Variants in KIAA1217 observed in about 807,000 individuals in gnomAD.
The protein encoded by KIAA1217 is KIAA1217.
In KIAA1217, 88 loss-of-function variants were observed where a neutral mutation model predicts 163.9. That is an observed-to-expected ratio of 0.54 (90% confidence interval 0.45 to 0.64). The LOEUF (loss-of-function observed/expected upper bound fraction) is 0.64. KIAA1217 is among the 30% of genes least tolerant of loss of function. The pLI, the probability that KIAA1217 is intolerant of heterozygous loss-of-function variation, is 0.00. For synonymous variants in KIAA1217, 903 were observed against 923.1 expected (o/e 0.98, Z 0.39); for missense variants, 2,372 against 2,475.0 (o/e 0.96, Z 0.88).
intron 1 of KIAA1217, among the ~76,000 whole-genome samples, chr10:23,992,778 G>A (rs1846275943): frequency 1.3e-5 from 2 of 151,574 alleles, no homozygotes; most frequent in African/African-American, 4.9e-5. Flanking sequence ...GAGTTTCTGT[G>A]TTGTGACAGA....
chr10:23,956,593 G>A (rs950747392), intron 1 of KIAA1217, among the ~76,000 whole-genome samples: 1 of 152,136 alleles, frequency 6.6e-6, no homozygotes, highest in African/African-American at 2.4e-5. Flanking sequence ...TTGCATTGCT[G>A]TAAAGGGATA....
intron 2 of KIAA1217, among the ~76,000 whole-genome samples, chr10:24,281,442 A>G (rs2077914439): frequency 6.6e-6 from 1 of 152,310 alleles, no homozygotes; most frequent in South Asian, 2.1e-4. Flanking sequence ...TTTGTTTCCA[A>G]CATTAATTAG....
At chr10:24,300,704 A>T (rs1029327996) in intron 2 of KIAA1217, among the ~76,000 whole-genome samples, 2 of 152,094 alleles carry the variant, frequency 1.3e-5, no homozygotes, top group Admixed American at 6.6e-5. Context: ...AGTAGCTGGG[A>T]CTAGAGGCAT....
intron 2 of KIAA1217, among the ~76,000 whole-genome samples, chr10:24,365,124 T>G (rs2050596150): frequency 6.6e-6 from 1 of 152,148 alleles, no homozygotes; most frequent in African/African-American, 2.4e-5. Flanking sequence ...TTCTTGACTT[T>G]CAGATGATAT....
At chr10:23,992,383 G>A (rs2131441364) in intron 1 of KIAA1217, among the ~76,000 whole-genome samples, 1 of 152,028 alleles carries the variant, frequency 6.6e-6, no homozygotes, top group South Asian at 2.1e-4. Flanking sequence ...TCCAGAAGGA[G>A]ATGCAATCCT....
intron 1 of KIAA1217, among the ~76,000 whole-genome samples, chr10:23,897,205 C>G (rs1365728714): frequency 1.3e-5 from 2 of 151,962 alleles, no homozygotes; most frequent in African/African-American, 2.4e-5. Context: ...TTGGAAATGC[C>G]CTTGTCAGCT....
intron 5 of KIAA1217, among the ~76,000 whole-genome samples, chr10:24,471,339 C>T (rs1257094588): frequency 6.6e-6 from 1 of 152,128 alleles, no homozygotes; most frequent in East Asian, 1.9e-4. Flanking sequence ...CTCCTGTGAC[C>T]TCACCAATAG....
At position 24,368,593 on chromosome 10, in the gene KIAA1217, C is replaced by T. The variant is rs184296086; in HGVS notation, c.355-12276C>T. Among the ~76,000 whole-genome samples, 290 of 152,124 alleles carry T rather than the reference C, an allele frequency of 1.9e-3. 1 individual carries two copies. Among genetic ancestry groups the T allele is most frequent in the Non-Finnish European group, 2.6e-3 (174 of 68,004 alleles). On this transcript the variant is annotated intron_variant, in intron 2 of 20. Transcript: ENST00000376454. ...TAGGATGAAGGTTAAGGTTGGAAAT[C>T]GAAGGTGATCTTCCCCCTTTAGTGA... is the stretch of plus-strand genomic sequence containing the variant.
chr10:23,976,113 A>T (rs557321347), intron 1 of KIAA1217, among the ~76,000 whole-genome samples: 9 of 152,294 alleles, frequency 5.9e-5, no homozygotes, highest in African/African-American at 2.2e-4. Context: ...TCACTTTTTG[A>T]TGAAGAATTG....
chr10:23,841,828 TTTATTTTA>T (rs1838801616), intron 1 of KIAA1217, among the ~76,000 whole-genome samples: 1 of 40,012 alleles, frequency 2.5e-5, no homozygotes, highest in Non-Finnish European at 4.6e-5. Context: ...CCATTGGGAC[TTTATTTTA>T]TTTTATTTTA....
intron 1 of KIAA1217, among the ~76,000 whole-genome samples, chr10:23,736,607 C>T (rs1838818634): frequency 6.6e-6 from 1 of 152,138 alleles, no homozygotes; most frequent in Non-Finnish European, 1.5e-5. Flanking sequence ...ACTGCAGCCT[C>T]AAACTCCTGG....
At chr10:24,138,903 T>G (rs558413170) in intron 2 of KIAA1217, among the ~76,000 whole-genome samples, 1 of 152,334 alleles carries the variant, frequency 6.6e-6, no homozygotes, top group South Asian at 2.1e-4. Context: ...CATTATGGTG[T>G]AGCTTCAATG....
intron 2 of KIAA1217, among the ~76,000 whole-genome samples, chr10:24,307,425 G>A (rs1156279661): frequency 1.3e-5 from 2 of 152,138 alleles, no homozygotes; most frequent in Non-Finnish European, 2.9e-5. Context: ...TGTGGAAACA[G>A]CCTTCGTGTA....
intron 3 of KIAA1217, among the ~76,000 whole-genome samples, chr10:24,396,198 G>A (rs2055719285): frequency 6.6e-6 from 1 of 152,066 alleles, no homozygotes; most frequent in African/African-American, 2.4e-5. Context: ...TTAGACAGGT[G>A]TGGTGGCAGG....
At chr10:24,397,667 A>C (rs529788160) in intron 3 of KIAA1217, among the ~76,000 whole-genome samples, 22 of 152,316 alleles carry the variant, frequency 1.4e-4, no homozygotes, top group African/African-American at 5.3e-4. Context: ...GACAGTTTGA[A>C]AAGGGGGAAG....
At chr10:23,851,165 C>T (rs1839294460) in intron 1 of KIAA1217, among the ~76,000 whole-genome samples, 1 of 152,078 alleles carries the variant, frequency 6.6e-6, no homozygotes, top group Admixed American at 6.5e-5. Flanking sequence ...CCTCCCCCTT[C>T]CTCCCACCTC....
In KIAA1217 at chr10:24,089,515, G is replaced by A. The variant is rs1436623183; in HGVS notation, c.-171+82141G>A. On this transcript the variant is annotated intron_variant, in intron 2 of 18. Coordinates refer to the KIAA1217 transcript ENST00000376462. ...ATCCAGTTTCAGCTTTCTACATGTG[G>A]CTAGCCAGTTTTCCTGGCACCATTT... Among the ~76,000 whole-genome samples the A allele has an allele frequency of 6.9e-5, 10 of 145,446 alleles. 5 individuals are homozygous for A. Among genetic ancestry groups the A allele is most frequent in the Non-Finnish European group, 1.2e-4 (8 of 64,502 alleles).
rs551246182 is a variant in KIAA1217 at position 24,144,806 on chromosome 10, C to T, written c.-170-74820C>T. 2.0e-5 allele frequency among the ~76,000 whole-genome samples: 3 copies of T among 152,252 alleles called. No homozygotes were observed. The South Asian group carries it at 6.2e-4, about 32-fold the overall frequency. ...TGGCTTCTTCCTTAAGTCCCCCTAG[C>T]CTGCCTTTTATTGTTCTCCAAGTTA... On this transcript the variant is annotated intron_variant, in intron 2 of 18. Transcript: ENST00000376462.
At chr10:24,512,031 A>T (rs1335771918) in intron 9 of KIAA1217, among the ~76,000 whole-genome samples, 1 of 152,176 alleles carries the variant, frequency 6.6e-6, no homozygotes, top group East Asian at 1.9e-4. Flanking sequence ...TAAAACTGGA[A>T]ATCGAACCCA....
Sources: allele counts gnomAD v4.1 joint callset (sites outside exome capture counted in the v4.1 genomes callset), GRCh38; gene constraint gnomAD v4.1.1; transcripts MANE v1.5; gene names NCBI Gene and HGNC (gene_info 2026-07-23, HGNC 2026-07-21).